ZBTB38: variants seen among roughly 807,000 people sequenced by gnomAD.
ZBTB38 encodes the protein zinc finger and BTB domain-containing protein 38.
Under a neutral mutation model 76.8 loss-of-function variants are expected in ZBTB38, and 20 were observed. That is an observed-to-expected ratio of 0.26 (90% CI 0.18 to 0.38). The LOEUF (loss-of-function observed/expected upper bound fraction) is 0.38, where lower values mean the gene tolerates loss of function less well. Among genes scored for constraint, ZBTB38 ranks in the 10% least tolerant of loss-of-function variants. The probability of loss-of-function intolerance (pLI) is 1.00; values close to 1 mark genes in which losing one functional copy is unlikely to be tolerated. For synonymous variants in ZBTB38, 504 were observed against 544.2 expected, an observed-to-expected ratio of 0.93 and a Z score of 1.03; for missense variants, 1,082 against 1,482.3, an observed-to-expected ratio of 0.73 and a Z score of 4.43.
intron 4 of ZBTB38, among the ~76,000 whole-genome samples, chr3:141,399,607 A>G (rs954415124): frequency 6.6e-6 from 1 of 152,058 alleles, no homozygotes. Context: ...GGGAAAGAGG[A>G]AAAAAAGTAA....
intron 1 of ZBTB38, among the ~76,000 whole-genome samples, chr3:141,354,955 A>G (rs942972328): frequency 1.3e-5 from 2 of 151,982 alleles, no homozygotes; most frequent in African/African-American, 4.8e-5. Context: ...TTTTCATCTT[A>G]TTTTTAGGAT....
At position 141,446,133 on chromosome 3, in the gene ZBTB38, A is replaced by C; in HGVS notation, c.*157A>C. The C allele has an allele frequency of 1.5e-6, 1 of 687,504 alleles. No homozygotes were observed. The highest frequency in any genetic ancestry group is 2.2e-6 in the Non-Finnish European group (1 of 456,780). 42.6% of individuals were successfully genotyped at this position (687,504 alleles called of 1,614,324 possible). ...AAAATTCCAGAAAAAGGATCCTAATATCTACTTTGGGTTTTAGCATTAACT... is the reference window on the plus strand; with the variant it reads ...AAAATTCCAGAAAAAGGATCCTAATCTCTACTTTGGGTTTTAGCATTAACT... On this transcript the variant is annotated 3_prime_UTR_variant, in exon 6 of 6. Transcript: ENST00000321464.
intron 1 of ZBTB38, among the ~76,000 whole-genome samples, chr3:141,325,325 AT>A (rs1283506152): frequency 1.3e-5 from 2 of 152,162 alleles, no homozygotes; most frequent in Non-Finnish European, 2.9e-5. Flanking sequence ...GAAAATTAGC[AT>A]TTTTTTAGTA....
chr3:141,436,428 A>G (rs2078799074), intron 5 of ZBTB38, among the ~76,000 whole-genome samples: 1 of 152,152 alleles, frequency 6.6e-6, no homozygotes, highest in Non-Finnish European at 1.5e-5. Context: ...GCCACTTGGC[A>G]CCAGTCCTTT....
chr3:141,329,149 CTG>C (rs1169627724), intron 1 of ZBTB38, among the ~76,000 whole-genome samples: 3 of 152,214 alleles, frequency 2.0e-5, no homozygotes, highest in African/African-American at 7.2e-5. Context: ...ACTAGTTTTC[CTG>C]TCTTTTCCCC....
intron 1 of ZBTB38, among the ~76,000 whole-genome samples, chr3:141,342,210 G>A (rs1462363875): frequency 2.0e-5 from 3 of 151,546 alleles, no homozygotes; most frequent in Non-Finnish European, 4.4e-5. Context: ...CTATAGTCCC[G>A]GCTACTCAGG....
chr3:141,356,037 C>G (rs1943652381), intron 1 of ZBTB38, among the ~76,000 whole-genome samples: 1 of 150,884 alleles, frequency 6.6e-6, no homozygotes, highest in East Asian at 1.9e-4. Flanking sequence ...CACTCTGTTT[C>G]ATGGGTGAAC....
At chr3:141,336,303 A>G (rs959681095) in intron 1 of ZBTB38, among the ~76,000 whole-genome samples, 2 of 152,064 alleles carry the variant, frequency 1.3e-5, no homozygotes, top group Admixed American at 1.3e-4. Flanking sequence ...ACCCATGCCA[A>G]TAGCTCCATT....
chr3:141,390,099 T>C (rs1259760733), intron 4 of ZBTB38: 2 of 152,226 alleles, frequency 1.3e-5, no homozygotes. Flanking sequence ...TACTATATAT[T>C]ACTTCGTTGT....
intron 1 of ZBTB38, among the ~76,000 whole-genome samples, chr3:141,349,394 C>T (rs914881785): frequency 1.3e-5 from 2 of 152,170 alleles, no homozygotes; most frequent in African/African-American, 4.8e-5. Context: ...TGAGATCATG[C>T]AGCAGTTAAC....
intron 2 of ZBTB38, among the ~76,000 whole-genome samples, chr3:141,375,321 A>G (rs1344666042): frequency 6.6e-6 from 1 of 152,212 alleles, no homozygotes; most frequent in Non-Finnish European, 1.5e-5. Context: ...GTTGAACTAG[A>G]CAAAGGGCCC....
intron 5 of ZBTB38, among the ~76,000 whole-genome samples, chr3:141,432,452 G>A (rs903926828): frequency 6.6e-6 from 1 of 152,172 alleles, no homozygotes; most frequent in Non-Finnish European, 1.5e-5. Flanking sequence ...ATGGGGTTCA[G>A]TCTGGCCCTG....
chr3:141,439,187 A>G (rs560425619), intron 5 of ZBTB38, among the ~76,000 whole-genome samples: 30 of 152,320 alleles, frequency 2.0e-4, no homozygotes, highest in African/African-American at 7.2e-4. Flanking sequence ...CCTTGAGAGC[A>G]GAGACTTGCC....
intron 1 of ZBTB38, among the ~76,000 whole-genome samples, chr3:141,331,380 C>T (rs1024259302): frequency 6.6e-6 from 1 of 152,200 alleles, no homozygotes; most frequent in African/African-American, 2.4e-5. Flanking sequence ...GAGACAGAGA[C>T]AGAGCTGGCT....
At chr3:141,347,018 A>T (rs756339686) in intron 1 of ZBTB38, among the ~76,000 whole-genome samples, 14 of 152,216 alleles carry the variant, frequency 9.2e-5, no homozygotes, top group Non-Finnish European at 1.6e-4. Flanking sequence ...GTTCCTCATC[A>T]GTTGTGAAGC....
upstream of ZBTB38, chr3:141,368,319 T>C (rs573389044): frequency 1.3e-5 from 2 of 152,890 alleles, no homozygotes; most frequent in South Asian, 2.1e-4. Flanking sequence ...ACGGCAGGAA[T>C]GTTCTCCTGG....
At chr3:141,405,805 T>G (rs1954159047) in intron 5 of ZBTB38, 1 of 152,240 alleles carries the variant, frequency 6.6e-6, no homozygotes, top group South Asian at 2.1e-4. Context: ...CACAAAAATC[T>G]GGTCTCTTCG....
At chr3:141,334,064 A>G (rs1171109526) in intron 1 of ZBTB38, among the ~76,000 whole-genome samples, 2 of 152,176 alleles carry the variant, frequency 1.3e-5, no homozygotes, top group Non-Finnish European at 2.9e-5. Context: ...ATCACCCATA[A>G]AGAATGGGAC....
intron 4 of ZBTB38, chr3:141,402,691 C>T (rs982418081): frequency 1.3e-5 from 2 of 150,748 alleles, no homozygotes; most frequent in Non-Finnish European, 3.0e-5. Context: ...CGGAGCGGGG[C>T]GGGGCGGGGT....
Sources: gnomAD v4.1 joint callset for allele counts (sites outside exome capture counted in the v4.1 genomes callset) on GRCh38, gnomAD v4.1.1 for gene constraint, MANE v1.5 for transcripts, NCBI Gene and HGNC (gene_info 2026-07-23, HGNC 2026-07-21) for gene names.